Variants in HS3ST4 observed in about 807,000 individuals in gnomAD.
HS3ST4 encodes heparan sulfate glucosamine 3-O-sulfotransferase 4.
HS3ST4 carries 17 observed loss-of-function variants against 29.2 expected under a neutral mutation model. The ratio of observed to expected loss-of-function variants is 0.58; its 90% CI spans 0.40 to 0.87. The LOEUF (loss-of-function observed/expected upper bound fraction) is 0.87. HS3ST4 is among the 40% of genes least tolerant of loss of function. The probability of loss-of-function intolerance (pLI) is 0.00; values close to 1 mark genes in which losing one functional copy is unlikely to be tolerated. For missense variants in HS3ST4, 627 were observed against 634.5 expected, an observed-to-expected ratio of 0.99 and a Z score of 0.13; for synonymous variants, 314 against 285.7, an observed-to-expected ratio of 1.10 and a Z score of -1.00.
intron 1 of HS3ST4, among the ~76,000 whole-genome samples, chr16:26,026,092 A>G (rs111803008): frequency 3.0e-3 from 449 of 151,964 alleles, no homozygotes; most frequent in African/African-American, 0.01. Flanking sequence ...TATTTTTAGT[A>G]CAGACAGGGT....
chr16:26,102,570 T>C (rs1375667586), intron 1 of HS3ST4, among the ~76,000 whole-genome samples: 1 of 152,146 alleles, frequency 6.6e-6, no homozygotes, highest in African/African-American at 2.4e-5. Flanking sequence ...CATGAGGCTC[T>C]TTATCCCGTT....
chr16:25,815,907 C>T (rs1967088974), intron 1 of HS3ST4, among the ~76,000 whole-genome samples: 1 of 152,158 alleles, frequency 6.6e-6, no homozygotes, highest in South Asian at 2.1e-4. Context: ...CCATTTGGCC[C>T]AATGTCCCTT....
At chr16:25,883,994 T>A (rs1967921193) in intron 1 of HS3ST4, among the ~76,000 whole-genome samples, 1 of 151,968 alleles carries the variant, frequency 6.6e-6, no homozygotes, top group African/African-American at 2.4e-5. Context: ...GTGCCTATAA[T>A]CCCAGCTACC....
At chr16:25,900,792 A>T in intron 1 of HS3ST4, among the ~76,000 whole-genome samples, 1 of 133,802 alleles carries the variant, frequency 7.5e-6, no homozygotes, top group East Asian at 1.9e-4. Flanking sequence ...GACCTCAGGG[A>T]GTGACATGGG....
At chr16:25,950,905 T>C (rs886465507) in intron 1 of HS3ST4, among the ~76,000 whole-genome samples, 1 of 152,168 alleles carries the variant, frequency 6.6e-6, no homozygotes, top group Non-Finnish European at 1.5e-5. Context: ...GACGCCAGCT[T>C]TGATCACTCT....
intron 1 of HS3ST4, among the ~76,000 whole-genome samples, chr16:25,720,526 G>A (rs1966485759): frequency 6.6e-6 from 1 of 152,134 alleles, no homozygotes; most frequent in Admixed American, 6.6e-5. Context: ...GGTGAGCATA[G>A]GACTGGTAAG....
intron 1 of HS3ST4, among the ~76,000 whole-genome samples, chr16:25,812,826 C>G (rs74014107): frequency 0.054 from 8,234 of 152,112 alleles, 352 homozygotes; most frequent in East Asian, 0.1. Context: ...CTCTGTCTCT[C>G]GAGTAGCTGG....
intron 1 of HS3ST4, among the ~76,000 whole-genome samples, chr16:26,004,197 A>G (rs1969237146): frequency 6.6e-6 from 1 of 152,164 alleles, no homozygotes; most frequent in Non-Finnish European, 1.5e-5. Context: ...CTGACAAATA[A>G]TATTCTCGAG....
rs764915370 is a variant in HS3ST4, at chr16:25,910,781, G to A, written c.734+217630G>A. ...ATGGCAGATCAGGTTTGGTCCACAGGTTGTCATTCTCCATCCTGTGTTATA... is the reference window on the plus strand; with the variant it reads ...ATGGCAGATCAGGTTTGGTCCACAGATTGTCATTCTCCATCCTGTGTTATA... On this transcript the variant is annotated intron_variant, in intron 1 of 1. Coordinates refer to ENST00000331351, the MANE Select transcript of HS3ST4 (RefSeq NM_006040.3). Among the ~76,000 whole-genome samples the A allele has an allele frequency of 9.1e-4, 138 of 152,256 alleles. 2 individuals carry two copies. Among genetic ancestry groups the A allele is most frequent in the East Asian group, 1.3e-3 (7 of 5,186 alleles).
Position 25,834,767 on chromosome 16 carries a change from G to A in HS3ST4, c.734+141616G>A, listed in dbSNP as rs142155119. 9.8e-3 allele frequency among the ~76,000 whole-genome samples: 1,485 copies of A among 152,202 alleles called. 27 individuals are homozygous for A. The highest frequency in any genetic ancestry group is 0.034 in the African/African-American group (1,392 of 41,502). On this transcript the variant is annotated intron_variant, in intron 1 of 1. Transcript: ENST00000331351. ...TCGAGACCAGCCTGCCCAACATGGC[G>A]AAACTCTGTCTCTACCAAAAAATAC...
intron 1 of HS3ST4, among the ~76,000 whole-genome samples, chr16:26,120,255 C>T (rs1483438030): frequency 1.3e-5 from 2 of 152,160 alleles, no homozygotes; most frequent in Admixed American, 6.5e-5. Context: ...TATGATCAGA[C>T]TGATTGGTTT....
At chr16:25,705,416 A>G (rs1359598662) in intron 1 of HS3ST4, among the ~76,000 whole-genome samples, 4 of 152,322 alleles carry the variant, frequency 2.6e-5, no homozygotes, top group South Asian at 4.2e-4. Context: ...CTGTAATCCC[A>G]GCACTTTGGG....
intron 1 of HS3ST4, among the ~76,000 whole-genome samples, chr16:25,842,797 G>A (rs1431729185): frequency 6.6e-6 from 1 of 152,126 alleles, no homozygotes; most frequent in African/African-American, 2.4e-5. Context: ...GAGTGAGTGT[G>A]CAGATGTACT....
intron 1 of HS3ST4, among the ~76,000 whole-genome samples, chr16:25,901,900 A>C (rs1968122967): frequency 1.3e-5 from 2 of 152,350 alleles, no homozygotes; most frequent in South Asian, 4.1e-4. Context: ...AAATGGAGAA[A>C]AAATGAGTTT....
rs1370440534 is a variant in HS3ST4 at position 26,136,125 on chromosome 16, T to A, written c.1248T>A (p.Thr416=). 6.2e-7 allele frequency: 1 copy of A among 1,613,410 alleles called. No individual in the cohort carries two copies. The highest frequency in any genetic ancestry group is 8.5e-7 in the Non-Finnish European group (1 of 1,179,690). The change falls in exon 2 of 2, where the codon ACT becomes ACA. Residue 416 remains threonine (T), a synonymous_variant. Coordinates refer to ENST00000331351, the MANE Select transcript of HS3ST4 (RefSeq NM_006040.3). ...GCTTAGGCAAGAGCAAAGGTCGGAC[T>A]CATCCTCGCATTGACCCAGATGTCA... ...PRCLGKSKGR[T]HPRIDPDVIH...
chr16:25,857,964 C>A (rs1267892491), intron 1 of HS3ST4, among the ~76,000 whole-genome samples: 3 of 51,682 alleles, frequency 5.8e-5, no homozygotes, highest in Non-Finnish European at 1.0e-4. Flanking sequence ...TTCTTTCTTT[C>A]TTTCTTTCTC....
chr16:26,061,772 T>C (rs1898478702), intron 1 of HS3ST4, among the ~76,000 whole-genome samples: 1 of 152,224 alleles, frequency 6.6e-6, no homozygotes, highest in African/African-American at 2.4e-5. Flanking sequence ...AGGGCTCAGA[T>C]ATCTGTGTCA....
chr16:26,021,637 A>G (rs1969414700), intron 1 of HS3ST4, among the ~76,000 whole-genome samples: 1 of 151,978 alleles, frequency 6.6e-6, no homozygotes, highest in Non-Finnish European at 1.5e-5. Context: ...CACAACCTCT[A>G]AGCACTTCCA....
At chr16:26,086,000 C>G (rs867418947) in intron 1 of HS3ST4, among the ~76,000 whole-genome samples, 4 of 152,280 alleles carry the variant, frequency 2.6e-5, no homozygotes, top group Middle Eastern at 3.4e-3. Context: ...CACATCAACT[C>G]ATCTCTCTGA....
Sources: allele counts gnomAD v4.1 joint callset (sites outside exome capture counted in the v4.1 genomes callset), GRCh38; gene constraint gnomAD v4.1.1; transcripts MANE v1.5; gene names NCBI Gene and HGNC (gene_info 2026-07-23, HGNC 2026-07-21).